The following PALM2AKAP2 variants were observed in gnomAD, a reference collection of about 807,000 sequenced individuals.
PALM2AKAP2 encodes the protein PALM2 and AKAP2 fusion.
In PALM2AKAP2, 37 loss-of-function variants were observed where a neutral mutation model predicts 71.5. The observed-to-expected ratio is 0.52, with a 90% CI of 0.40 to 0.68. PALM2AKAP2 has a LOEUF of 0.68. Ranked by LOEUF, PALM2AKAP2 falls within the 30% of genes least tolerant of loss-of-function variation. The probability of loss-of-function intolerance (pLI) is 0.00; values close to 1 mark genes in which losing one functional copy is unlikely to be tolerated. For synonymous variants in PALM2AKAP2, 468 were observed against 478.8 expected (o/e 0.98, Z 0.29); for missense variants, 1,224 against 1,191.8 (o/e 1.03, Z -0.40).
intron 1 of PALM2AKAP2, among the ~76,000 whole-genome samples, chr9:110,099,757 T>C (rs1363937469): frequency 1.3e-5 from 2 of 152,132 alleles, no homozygotes; most frequent in East Asian, 3.9e-4. Context: ...CTGTAACTGC[T>C]TGGACATGGC....
At chr9:109,887,949 G>C (rs1443615562) in intron 3 of PALM2AKAP2, among the ~76,000 whole-genome samples, 3 of 152,186 alleles carry the variant, frequency 2.0e-5, no homozygotes, top group Non-Finnish European at 4.4e-5. Context: ...TGCTTCTTCA[G>C]AAGGCGGTGC....
rs899442260 is a variant in PALM2AKAP2, at chr9:109,693,704, T to C, written c.5+52838T>C. The stretch of plus-strand genomic sequence containing the variant: ...TCCTTTGTGATTATTTTTTGATTCA[T>C]GCATTATTTAGAAATATGTTGTTTA... On this transcript the variant is annotated intron_variant, in intron 1 of 6. Transcript: ENST00000374531. 2.0e-5 allele frequency among the ~76,000 whole-genome samples: 3 copies of C among 152,116 alleles called. No homozygotes were observed. In the East Asian group the frequency reaches 5.8e-4, roughly 29 times the overall value.
chr9:109,735,557 G>A (rs1443300036), intron 1 of PALM2AKAP2, among the ~76,000 whole-genome samples: 1 of 152,152 alleles, frequency 6.6e-6, no homozygotes, highest in Admixed American at 6.5e-5. Context: ...TGAAATGCCT[G>A]TAATCACACA....
At chr9:109,879,027 G>T (rs1308978435) in intron 2 of PALM2AKAP2, among the ~76,000 whole-genome samples, 2 of 152,182 alleles carry the variant, frequency 1.3e-5, no homozygotes. Flanking sequence ...GCGAGCCACC[G>T]TGCCCAGCCC....
chr9:109,852,411 G>A (rs574010274), intron 1 of PALM2AKAP2, among the ~76,000 whole-genome samples: 1 of 152,260 alleles, frequency 6.6e-6, no homozygotes, highest in African/African-American at 2.4e-5. Flanking sequence ...TGGTGTATAT[G>A]TACCACATTT....
At chr9:109,930,191 C>A (rs1008949912) in intron 5 of PALM2AKAP2, among the ~76,000 whole-genome samples, 2 of 152,080 alleles carry the variant, frequency 1.3e-5, no homozygotes, top group Non-Finnish European at 2.9e-5. Flanking sequence ...ATCTTCCTTT[C>A]TCATTCCTTC....
At chr9:110,055,340 C>T (rs1046288551) in intron 1 of PALM2AKAP2, among the ~76,000 whole-genome samples, 2 of 152,094 alleles carry the variant, frequency 1.3e-5, no homozygotes, top group Non-Finnish European at 2.9e-5. Flanking sequence ...GGATTACAGG[C>T]GTGTGCCACT....
At chr9:109,788,045 G>A (rs1226387915) in intron 1 of PALM2AKAP2, among the ~76,000 whole-genome samples, 3 of 152,218 alleles carry the variant, frequency 2.0e-5, no homozygotes, top group South Asian at 2.1e-4. Context: ...GCTTATTTGC[G>A]ATATCTTTTG....
At chr9:109,996,294 G>A (rs561410737) in intron 6 of PALM2AKAP2, among the ~76,000 whole-genome samples, 11 of 152,316 alleles carry the variant, frequency 7.2e-5, no homozygotes, top group African/African-American at 2.4e-4. Flanking sequence ...TATTGGACCT[G>A]GAAAGGGGCC....
chr9:110,067,322 G>A (rs1376810299), intron 1 of PALM2AKAP2, among the ~76,000 whole-genome samples: 2 of 152,164 alleles, frequency 1.3e-5, no homozygotes, highest in East Asian at 1.9e-4. Context: ...TACAAATAAA[G>A]TGAAATTGAA....
chr9:110,022,379 C>G (rs34716177), intron 7 of PALM2AKAP2, among the ~76,000 whole-genome samples: 10,477 of 152,118 alleles, frequency 0.069, 437 homozygotes, highest in Middle Eastern at 0.1. Flanking sequence ...TCTGCTAAGG[C>G]CCTGCTGGCC....
intron 1 of PALM2AKAP2, among the ~76,000 whole-genome samples, chr9:109,847,118 A>G (rs1394285305): frequency 6.8e-6 from 1 of 147,668 alleles, no homozygotes; most frequent in South Asian, 2.1e-4. Context: ...GTGTGACCTT[A>G]TTTGGAAGAG....
chr9:109,845,458 G>A (rs1157505972), intron 1 of PALM2AKAP2, among the ~76,000 whole-genome samples: 2 of 152,218 alleles, frequency 1.3e-5, no homozygotes, highest in South Asian at 2.1e-4. Context: ...TAATATTACT[G>A]TGGTGCTTCT....
chr9:109,880,331 T>C (rs1829817175), intron 2 of PALM2AKAP2, among the ~76,000 whole-genome samples: 1 of 152,196 alleles, frequency 6.6e-6, no homozygotes, highest in Non-Finnish European at 1.5e-5. Flanking sequence ...ATTATACAGT[T>C]CTATTTTTAA....
intron 2 of PALM2AKAP2, among the ~76,000 whole-genome samples, chr9:109,877,240 C>T (rs1829741629): frequency 6.6e-6 from 1 of 152,092 alleles, no homozygotes; most frequent in South Asian, 2.1e-4. Flanking sequence ...AGTGTGGTCC[C>T]TACCCCTCCC....
intron 1 of PALM2AKAP2, among the ~76,000 whole-genome samples, chr9:109,833,788 C>A (rs910185740): frequency 5.3e-5 from 8 of 152,178 alleles, no homozygotes; most frequent in Non-Finnish European, 1.2e-4. Flanking sequence ...TTTCTGAATA[C>A]CCCTGACCTC....
intron 1 of PALM2AKAP2, among the ~76,000 whole-genome samples, chr9:110,129,786 G>T (rs987026395): frequency 6.6e-6 from 1 of 152,254 alleles, no homozygotes; most frequent in East Asian, 1.9e-4. Flanking sequence ...CCCCTCCTCT[G>T]CTTCCCATGT....
chr9:109,775,066 G>A (rs1014219913), intron 1 of PALM2AKAP2, among the ~76,000 whole-genome samples: 4 of 152,184 alleles, frequency 2.6e-5, no homozygotes, highest in African/African-American at 9.7e-5. Flanking sequence ...TAAGGAAACT[G>A]TCATTCTAAT....
chr9:109,934,693 T>A (rs1831181681), intron 6 of PALM2AKAP2, among the ~76,000 whole-genome samples: 1 of 152,174 alleles, frequency 6.6e-6, no homozygotes, highest in Non-Finnish European at 1.5e-5. Context: ...GCCTTTCAGC[T>A]TCAGTTTTGA....
Sources: allele counts gnomAD v4.1 joint callset (sites outside exome capture counted in the v4.1 genomes callset), GRCh38; gene constraint gnomAD v4.1.1; transcripts MANE v1.5; gene names NCBI Gene and HGNC (gene_info 2026-07-23, HGNC 2026-07-21).